Variants in TMEM117 observed in about 807,000 individuals in gnomAD.
TMEM117 encodes transmembrane protein 117.
Under a neutral mutation model 52.4 loss-of-function variants are expected in TMEM117, and 27 were observed. That is an observed-to-expected ratio of 0.51 (90% CI 0.38 to 0.71). The LOEUF (loss-of-function observed/expected upper bound fraction) is 0.71, where lower values mean the gene tolerates loss of function less well. Ranked by LOEUF, TMEM117 falls within the 30% of genes least tolerant of loss-of-function variation. TMEM117 has a pLI of 0.00. For missense variants in TMEM117, 556 were observed against 630.5 expected (o/e 0.88, Z 1.26); for synonymous variants, 215 against 206.3 (o/e 1.04, Z -0.36).
Position 44,013,461 on chromosome 12 carries a change from G to T in TMEM117, c.410+69119G>T, listed in dbSNP as rs564012732. On this transcript the variant is annotated intron_variant, in intron 3 of 7. Transcript: ENST00000266534. ...TAGGTATTTCCCTTCCCCCAGGTAG[G>T]TTAGGCTCTGATAAAATTCCAAGAG... Among the ~76,000 whole-genome samples the T allele has an allele frequency of 1.5e-3, 222 of 152,266 alleles. 3 individuals are homozygous for T. Among genetic ancestry groups the T allele is most frequent in the African/African-American group, 5.0e-3 (207 of 41,554 alleles).
At chr12:43,985,183 T>A (rs1450942704) in intron 3 of TMEM117, among the ~76,000 whole-genome samples, 1 of 152,188 alleles carries the variant, frequency 6.6e-6, no homozygotes, top group Non-Finnish European at 1.5e-5. Context: ...TAGAGATTTT[T>A]TTTAAAGCCG....
At chr12:43,831,901 A>G (rs1165655547), upstream of TMEM117, among the ~76,000 whole-genome samples, 1 of 152,148 alleles carries the variant, frequency 6.6e-6, no homozygotes, top group Non-Finnish European at 1.5e-5. Context: ...TGATATGTAA[A>G]CAACACACAT....
chr12:44,130,837 T>C (rs1054777983), intron 3 of TMEM117, among the ~76,000 whole-genome samples: 7 of 152,116 alleles, frequency 4.6e-5, no homozygotes, highest in Non-Finnish European at 8.8e-5. Context: ...AGCTGATTAT[T>C]TGTTTAATCT....
At chr12:44,131,721 A>T (rs1048212642) in intron 3 of TMEM117, among the ~76,000 whole-genome samples, 1 of 152,146 alleles carries the variant, frequency 6.6e-6, no homozygotes. Flanking sequence ...CTTAATTTAT[A>T]ATAATACTAT....
chr12:43,822,054 G>C, the TMEM117 span, among the ~76,000 whole-genome samples: 1 of 152,148 alleles, frequency 6.6e-6, no homozygotes, highest in Non-Finnish European at 1.5e-5. Context: ...TTTTATAACT[G>C]TAAGAGGTCC....
chr12:44,111,614 G>A (rs1373705479), intron 3 of TMEM117, among the ~76,000 whole-genome samples: 1,349 of 107,782 alleles, frequency 0.013, 19 homozygotes, highest in East Asian at 0.071. Flanking sequence ...GCTGAGGAGA[G>A]CTTTACTTCC....
At chr12:44,227,742 A>G (rs959055238) in intron 5 of TMEM117, among the ~76,000 whole-genome samples, 9 of 152,088 alleles carry the variant, frequency 5.9e-5, no homozygotes, top group African/African-American at 1.4e-4. Context: ...GGCTCCTCCA[A>G]TAGACTCAGC....
chr12:43,802,718 A>C, the TMEM117 span, among the ~76,000 whole-genome samples: 453 of 152,322 alleles, frequency 3.0e-3, 4 homozygotes, highest in African/African-American at 9.8e-3. Flanking sequence ...AAAAATGATC[A>C]TAACAGTTGA....
At chr12:44,289,065 T>C (rs1403034014) in intron 5 of TMEM117, among the ~76,000 whole-genome samples, 1 of 152,242 alleles carries the variant, frequency 6.6e-6, no homozygotes, top group Non-Finnish European at 1.5e-5. Context: ...TCTTTGCTTC[T>C]ATGAGTTCTA....
intron 2 of TMEM117, among the ~76,000 whole-genome samples, chr12:43,916,864 T>C (rs1944612638): frequency 6.6e-6 from 1 of 152,170 alleles, no homozygotes; most frequent in Non-Finnish European, 1.5e-5. Context: ...TCTTTTCTGA[T>C]GTTAACAATC....
chr12:44,186,023 T>A (rs1949273876), intron 4 of TMEM117, among the ~76,000 whole-genome samples: 1 of 152,182 alleles, frequency 6.6e-6, no homozygotes, highest in African/African-American at 2.4e-5. Flanking sequence ...CAGAATGTTC[T>A]GTAGCAATTT....
At chr12:43,845,332 A>G (rs1303674607) in intron 2 of TMEM117, among the ~76,000 whole-genome samples, 1 of 151,828 alleles carries the variant, frequency 6.6e-6, no homozygotes, top group Non-Finnish European at 1.5e-5. Context: ...GTGGTGGCAC[A>G]TGTTTGTAAT....
At position 44,321,726 on chromosome 12, in the gene TMEM117, A is replaced by G. The variant is rs368678089; in HGVS notation, c.768+21987A>G. Among the ~76,000 whole-genome samples the G allele has an allele frequency of 8.5e-5, 13 of 152,320 alleles. No homozygotes were observed. In the East Asian group the frequency reaches 2.5e-3, roughly 29 times the overall value. On this transcript the variant is annotated intron_variant, in intron 6 of 7. Coordinates refer to ENST00000266534, the MANE Select transcript of TMEM117 (RefSeq NM_032256.3). ...AACGAAGTACAACTTTTAAGAGCTC[A>G]TAAATCTTGAGCTCAGTCATAGATT...
At chr12:44,197,219 A>G (rs1020185903) in intron 4 of TMEM117, among the ~76,000 whole-genome samples, 2 of 152,128 alleles carry the variant, frequency 1.3e-5, no homozygotes, top group Non-Finnish European at 1.5e-5. Context: ...TGTGTGTTCC[A>G]AGGGCTCCTT....
intron 2 of TMEM117, among the ~76,000 whole-genome samples, chr12:43,921,103 T>C (rs941318996): frequency 6.6e-6 from 1 of 152,202 alleles, no homozygotes; most frequent in Non-Finnish European, 1.5e-5. Flanking sequence ...TCTTTTCTTA[T>C]CTGAGCCCAT....
intron 5 of TMEM117, among the ~76,000 whole-genome samples, chr12:44,232,095 GTAAA>G (rs1949940903): frequency 6.6e-6 from 1 of 151,574 alleles, no homozygotes; most frequent in Non-Finnish European, 1.5e-5. Flanking sequence ...GAAGTATTAT[GTAAA>G]TAAACATTTG....
At chr12:43,891,367 A>ATTTTTTATTTTTT (rs1944100439) in intron 2 of TMEM117, among the ~76,000 whole-genome samples, 1 of 57,804 alleles carries the variant, frequency 1.7e-5, no homozygotes, top group Non-Finnish European at 3.1e-5. Context: ...TACCTCTTGA[A>ATTTTTTATTTTTT]TTTTTTTTTT....
intron 2 of TMEM117, among the ~76,000 whole-genome samples, chr12:43,847,234 A>C (rs1395196551): frequency 2.6e-4 from 40 of 152,230 alleles, no homozygotes; most frequent in Non-Finnish European, 5.0e-4. Flanking sequence ...TCTGGGACTT[A>C]AGACACAGGT....
chr12:43,932,490 A>G (rs1398307839), intron 2 of TMEM117, among the ~76,000 whole-genome samples: 1 of 152,106 alleles, frequency 6.6e-6, no homozygotes, highest in East Asian at 1.9e-4. Flanking sequence ...TGTCTGAAAG[A>G]TCTTTACGCT....
Sources: allele counts gnomAD v4.1 joint callset (sites outside exome capture counted in the v4.1 genomes callset), GRCh38; gene constraint gnomAD v4.1.1; transcripts MANE v1.5; gene names NCBI Gene and HGNC (gene_info 2026-07-23, HGNC 2026-07-21).